FAM83A: variants seen among roughly 807,000 people sequenced by gnomAD.
FAM83A encodes the protein scaffolding CK1 anchoring protein A, also known as protein FAM83A.
A neutral mutation model predicts 24.4 loss-of-function variants in FAM83A; 21 were observed. That is an observed-to-expected ratio of 0.86 (90% CI 0.61 to 1.24). The LOEUF is 1.24. FAM83A is among the 50% of genes most tolerant of loss of function. The pLI is 0.00. For missense variants in FAM83A, 617 were observed against 579.8 expected (o/e 1.06, Z -0.66); for synonymous variants, 270 against 252.4 (o/e 1.07, Z -0.66).
At chr8:123,203,144 T>C (rs1006116853) in intron 3 of FAM83A, among the ~76,000 whole-genome samples, 3 of 151,864 alleles carry the variant, frequency 2.0e-5, no homozygotes, top group Admixed American at 6.6e-5. Flanking sequence ...CGACTTGCAA[T>C]AGTTGAAAAG....
chr8:123,190,469 T>C (rs1361778388), intron 1 of FAM83A, among the ~76,000 whole-genome samples: 1 of 151,784 alleles, frequency 6.6e-6, no homozygotes, highest in Non-Finnish European at 1.5e-5. Flanking sequence ...TTCACCATGT[T>C]GATCAGGCTG....
At chr8:123,207,312 C>T in exon 4 of FAM83A, 1 of 1,611,640 alleles carries the variant, frequency 6.2e-7, no homozygotes, top group South Asian at 1.1e-5. Flanking sequence ...CCCGTCCCGC[C>T]CGGAGCAGCC....
chr8:123,191,666 C>A (rs368532008), intron 1 of FAM83A, 137 bp from the exon 2 acceptor site: 1 of 860,416 alleles, frequency 1.2e-6, no homozygotes. Flanking sequence ...CAGTCAGACC[C>A]ACTCTACCCC....
chr8:123,191,983 A>G lies in FAM83A; in HGVS notation c.648+13A>G, dbSNP rs374457659. The G allele has an allele frequency of 2.0e-4, 322 of 1,613,768 alleles. No individual in the cohort carries two copies. Among genetic ancestry groups the G allele is most frequent in the Non-Finnish European group, 2.4e-4 (286 of 1,179,780 alleles). ...CAGTCACCTCAAGGTAGGGGCCCCA[A>G]TGAGAGTCCTAAGGGTACTCATATT... On this transcript the variant is annotated intron_variant, in intron 2 of 3. Transcript: ENST00000690554.
At chr8:123,197,955 C>T (rs1166880920) in intron 3 of FAM83A, among the ~76,000 whole-genome samples, 1 of 152,128 alleles carries the variant, frequency 6.6e-6, no homozygotes, top group Non-Finnish European at 1.5e-5. Flanking sequence ...CATGGTGAAA[C>T]CCTGCCTCTA....
exon 4 of FAM83A, chr8:123,207,379 C>T (rs1824592151): frequency 6.2e-7 from 1 of 1,611,642 alleles, no homozygotes; most frequent in African/African-American, 1.3e-5. Flanking sequence ...GCACGTCCTC[C>T]AACCCCTTCA....
At chr8:123,206,476 G>C (rs561630272) in intron 3 of FAM83A, among the ~76,000 whole-genome samples, 1 of 152,264 alleles carries the variant, frequency 6.6e-6, no homozygotes, top group South Asian at 2.1e-4. Context: ...GGGCTTTCCC[G>C]ACCCCTGTGT....
At chr8:123,200,127 G>A (rs7817153) in intron 3 of FAM83A, 37,170 of 152,130 alleles carry the variant, frequency 0.24, 4,801 homozygotes, top group African/African-American at 0.32. Context: ...AGTAAGCATT[G>A]GACCAGAATA....
chr8:123,200,687 C>T (rs997477146), intron 3 of FAM83A, among the ~76,000 whole-genome samples: 1 of 152,146 alleles, frequency 6.6e-6, no homozygotes, highest in African/African-American at 2.4e-5. Context: ...GGCGCGATGG[C>T]TCACACCTGT....
chr8:123,183,800 A>G (rs1194669502), intron 1 of FAM83A, among the ~76,000 whole-genome samples: 1 of 149,996 alleles, frequency 6.7e-6, no homozygotes, highest in African/African-American at 2.5e-5. Flanking sequence ...GGTTCAAGCG[A>G]TTCTCCTGCT....
exon 1 of FAM83A, chr8:123,182,802 C>T (rs887190681): frequency 2.0e-6 from 3 of 1,501,742 alleles, no homozygotes; most frequent in African/African-American, 2.8e-5. Flanking sequence ...TTGCTTCCCA[C>T]ATCTGGAGGA....
intron 1 of FAM83A, among the ~76,000 whole-genome samples, chr8:123,191,254 T>C (rs984825133): frequency 6.6e-6 from 1 of 152,186 alleles, no homozygotes; most frequent in African/African-American, 2.4e-5. Context: ...TGACACATGA[T>C]GCAGTAGCTG....
chr8:123,190,810 G>A (rs1193469522), intron 1 of FAM83A, among the ~76,000 whole-genome samples: 1 of 152,140 alleles, frequency 6.6e-6, no homozygotes, highest in African/African-American at 2.4e-5. Flanking sequence ...TTTCTCCAGG[G>A]ATGGCTTCAT....
At chr8:123,188,680 G>A (rs1045150170) in intron 1 of FAM83A, among the ~76,000 whole-genome samples, 2 of 151,914 alleles carry the variant, frequency 1.3e-5, no homozygotes, top group Non-Finnish European at 2.9e-5. Flanking sequence ...ATGGGGTTTC[G>A]CCAAGTTGCC....
upstream of FAM83A, chr8:123,182,518 C>T: frequency 2.0e-6 from 1 of 510,304 alleles, no homozygotes; most frequent in South Asian, 1.6e-5. Flanking sequence ...AGCAGGAAAG[C>T]CGGCTCACCT....
At chr8:123,194,486 CT>C (rs71573674) in intron 3 of FAM83A, among the ~76,000 whole-genome samples, 296 of 140,310 alleles carry the variant, frequency 2.1e-3, no homozygotes, top group African/African-American at 3.0e-3. Context: ...CATCCCATTG[CT>C]TTTTTTTTTT....
chr8:123,183,325 C>T (rs747904365), exon 1 of FAM83A: 26 of 1,611,348 alleles, frequency 1.6e-5, no homozygotes, highest in African/African-American at 5.3e-5. Flanking sequence ...CTGCATCACC[C>T]GGACTAGCCA....
chr8:123,208,721 C>T lies in FAM83A; in HGVS notation c.*1033C>T, dbSNP rs542514312. ...TAGAAAGCATACAGGAGGGGCCAGG[C>T]GTGGTGGCTCATGCCTGTAATCCCA... is the stretch of plus-strand genomic sequence containing the variant. On this transcript the variant is annotated 3_prime_UTR_variant, in exon 4 of 4. Transcript: ENST00000690554. 542 of 985,544 alleles carry T rather than the reference C, an allele frequency of 5.5e-4. 1 individual carries two copies. The highest frequency in any genetic ancestry group is 5.2e-3 in the Middle Eastern group (10 of 1,914). The allele number at this position is 985,544 out of a possible 1,614,324, so 61.0% of individuals were successfully genotyped here. A position where few individuals can be genotyped will look rare whatever the true frequency, so the allele number is the denominator to read the frequency against.
chr8:123,207,275 G>A (rs757751864), exon 4 of FAM83A: 4 of 1,612,836 alleles, frequency 2.5e-6, no homozygotes, highest in Non-Finnish European at 3.4e-6. Flanking sequence ...GCCTGTGATG[G>A]GCCTGAAGTC....
Sources: allele counts gnomAD v4.1 joint callset (sites outside exome capture counted in the v4.1 genomes callset), GRCh38; gene constraint gnomAD v4.1.1; transcripts MANE v1.5; gene names NCBI Gene and HGNC (gene_info 2026-07-23, HGNC 2026-07-21).